SORBS2: variants seen among roughly 807,000 people sequenced by gnomAD.
The protein encoded by SORBS2 is sorbin and SH3 domain-containing protein 2.
In SORBS2, 46 loss-of-function variants were observed where a neutral mutation model predicts 97.7. The ratio of observed to expected loss-of-function variants is 0.47; its 90% CI spans 0.37 to 0.60. SORBS2 has a LOEUF of 0.60. SORBS2 is among the 20% of genes least tolerant of loss of function. The pLI is 0.00. For synonymous variants in SORBS2, 476 were observed against 473.4 expected (o/e 1.01, Z -0.07); for missense variants, 1,316 against 1,282.3 (o/e 1.03, Z -0.40).
At chr4:185,917,674 C>T (rs557853034) in intron 1 of SORBS2, among the ~76,000 whole-genome samples, 8 of 152,212 alleles carry the variant, frequency 5.3e-5, no homozygotes, top group Non-Finnish European at 8.8e-5. Context: ...CTGGGGTTTG[C>T]GACTGGTATC....
At chr4:185,945,943 G>A (rs536247633) in intron 1 of SORBS2, among the ~76,000 whole-genome samples, 1 of 152,326 alleles carries the variant, frequency 6.6e-6, no homozygotes, top group African/African-American at 2.4e-5. Flanking sequence ...CAGCTTCATG[G>A]CAATGGGGCA....
chr4:185,773,054 G>GA (rs60070488), intron 2 of SORBS2: 74,812 of 148,988 alleles, frequency 0.5, 19,145 homozygotes, highest in South Asian at 0.66. Context: ...GAAACAGAAA[G>GA]AAAAAAAAAA....
chr4:185,700,818 T>C (rs995084582), intron 2 of SORBS2, among the ~76,000 whole-genome samples: 2 of 152,166 alleles, frequency 1.3e-5, no homozygotes, highest in Non-Finnish European at 1.5e-5. Flanking sequence ...TTCTAGTTCT[T>C]ACCCCCCACA....
At chr4:185,730,489 C>T (rs1368818466) in intron 2 of SORBS2, among the ~76,000 whole-genome samples, 1 of 152,180 alleles carries the variant, frequency 6.6e-6, no homozygotes, top group Non-Finnish European at 1.5e-5. Flanking sequence ...GGAGCTCTCA[C>T]TATTGTCCAT....
At chr4:185,846,709 G>A (rs1248951441) in intron 1 of SORBS2, among the ~76,000 whole-genome samples, 7 of 152,170 alleles carry the variant, frequency 4.6e-5, no homozygotes, top group Admixed American at 4.6e-4. Context: ...AAGCAAGGCA[G>A]AGAATAGGAA....
chr4:185,651,041 G>A (rs1352873898), intron 2 of SORBS2, among the ~76,000 whole-genome samples: 1 of 152,136 alleles, frequency 6.6e-6, no homozygotes, highest in South Asian at 2.1e-4. Context: ...GAGGGGAGCA[G>A]TGCCAGCCTC....
chr4:185,887,150 T>C (rs2099240093), intron 1 of SORBS2, among the ~76,000 whole-genome samples: 1 of 152,174 alleles, frequency 6.6e-6, no homozygotes, highest in Non-Finnish European at 1.5e-5. Context: ...CACGAGCCCA[T>C]ATAATAAACT....
At chr4:185,845,249 G>A (rs577598058) in intron 1 of SORBS2, among the ~76,000 whole-genome samples, 3 of 152,024 alleles carry the variant, frequency 2.0e-5, no homozygotes, top group South Asian at 2.1e-4. Context: ...CCAACTTCCC[G>A]GCTCAAGCGA....
Position 185,589,790 on chromosome 4 carries a change from AACAGG to A in SORBS2, c.2847-10_2847-6del. 1 of 1,519,658 alleles carries A rather than the reference AACAGG, an allele frequency of 6.6e-7. No homozygotes were observed. Among genetic ancestry groups the A allele is most frequent in the Non-Finnish European group, 9.1e-7 (1 of 1,094,288 alleles). The allele number at this position is 1,519,658 out of a possible 1,614,324, so 94.1% of individuals were successfully genotyped here. A position where few individuals can be genotyped will look rare whatever the true frequency, so the allele number is the denominator to read the frequency against. Reference sequence around the variant, plus strand: ...TAGTTATACAGAGCCTGAAACCTTAAACAGGACAAGGGAATGTGTTTAAAAACATC... The same window carrying A: ...TAGTTATACAGAGCCTGAAACCTTAAACAAGGGAATGTGTTTAAAAACATC... On this transcript the variant is annotated splice_polypyrimidine_tract_variant and splice_region_variant and intron_variant, in intron 13 of 14. Coordinates refer to ENST00000418609, the Ensembl canonical transcript of SORBS2.
exon 14 of SORBS2, chr4:185,589,700 A>G: frequency 6.2e-7 from 1 of 1,610,234 alleles, no homozygotes; most frequent in African/African-American, 1.3e-5. Flanking sequence ...CCGTCATCAC[A>G]CTTTTCCATG....
At chr4:185,624,224 G>A in exon 7 of SORBS2, 3 of 1,614,160 alleles carry the variant, frequency 1.9e-6, no homozygotes, top group Non-Finnish European at 2.5e-6. Flanking sequence ...CTTGACTTTC[G>A]GGTCCGGGAA....
At chr4:185,914,994 G>A (rs1205538470) in intron 1 of SORBS2, among the ~76,000 whole-genome samples, 1 of 152,176 alleles carries the variant, frequency 6.6e-6, no homozygotes, top group South Asian at 2.1e-4. Flanking sequence ...GTGGCAAATG[G>A]ATTGTAAATG....
At chr4:185,652,275 G>A (rs1201662517) in intron 2 of SORBS2, among the ~76,000 whole-genome samples, 1 of 152,190 alleles carries the variant, frequency 6.6e-6, no homozygotes, top group Non-Finnish European at 1.5e-5. Context: ...TGCTTTAGTG[G>A]TCTCCTGTCT....
chr4:185,691,805 T>C (rs958580840), intron 2 of SORBS2, among the ~76,000 whole-genome samples: 47 of 152,068 alleles, frequency 3.1e-4, no homozygotes, highest in African/African-American at 4.8e-4. Flanking sequence ...AGTGCAGTGG[T>C]GCGATCTCGG....
chr4:185,877,883 A>AAAAAAAAAAG (rs1344109012), intron 1 of SORBS2, among the ~76,000 whole-genome samples: 91 of 145,128 alleles, frequency 6.3e-4, no homozygotes, highest in African/African-American at 8.7e-4. Context: ...ACAAAAAAAA[A>AAAAAAAAAAG]AAAGAAAGAA....
chr4:185,777,430 T>C (rs1018937268), intron 1 of SORBS2, among the ~76,000 whole-genome samples: 1 of 152,202 alleles, frequency 6.6e-6, no homozygotes, highest in African/African-American at 2.4e-5. Flanking sequence ...TTTTTCTTTT[T>C]CCTCCTTATA....
intron 1 of SORBS2, among the ~76,000 whole-genome samples, chr4:185,928,594 G>A (rs1257783732): frequency 6.6e-6 from 1 of 152,026 alleles, no homozygotes; most frequent in Admixed American, 6.5e-5. Flanking sequence ...TGCCCAGGCT[G>A]GAGTGCAGTG....
intron 12 of SORBS2, among the ~76,000 whole-genome samples, chr4:185,601,975 G>A (rs1001320999): frequency 6.6e-6 from 1 of 152,168 alleles, no homozygotes; most frequent in Non-Finnish European, 1.5e-5. Flanking sequence ...ATAGTCTCTC[G>A]GATGGAAATG....
intron 1 of SORBS2, among the ~76,000 whole-genome samples, chr4:185,886,221 G>A (rs1173453666): frequency 6.6e-6 from 1 of 152,104 alleles, no homozygotes; most frequent in African/African-American, 2.4e-5. Flanking sequence ...AATGTGAGGT[G>A]GGCGGCAGAA....
Sources: gnomAD v4.1 joint callset for allele counts (sites outside exome capture counted in the v4.1 genomes callset) on GRCh38, gnomAD v4.1.1 for gene constraint, MANE v1.5 for transcripts, NCBI Gene and HGNC (gene_info 2026-07-23, HGNC 2026-07-21) for gene names.